Variants in GLIS3 observed in about 807,000 individuals in gnomAD.
GLIS3 encodes zinc finger protein GLIS3.
A neutral mutation model predicts 78.6 loss-of-function variants in GLIS3; 53 were observed. That is an observed-to-expected ratio of 0.67 (90% CI 0.54 to 0.85). The LOEUF is 0.85. Among genes scored for constraint, GLIS3 ranks in the 40% least tolerant of loss-of-function variants. GLIS3 has a pLI of 0.00. For synonymous variants in GLIS3, 684 were observed against 509.9 expected (o/e 1.34, Z -4.60); for missense variants, 1,703 against 1,231.1 (o/e 1.38, Z -5.74).
At chr9:4,134,737 A>G (rs373195144) in intron 2 of GLIS3, among the ~76,000 whole-genome samples, 5 of 152,360 alleles carry the variant, frequency 3.3e-5, no homozygotes, top group East Asian at 1.9e-4. Context: ...ACTTCTTTCT[A>G]GCCATTTTTT....
intron 4 of GLIS3, among the ~76,000 whole-genome samples, chr9:4,099,502 C>G (rs896115328): frequency 1.3e-5 from 2 of 152,128 alleles, no homozygotes; most frequent in Non-Finnish European, 2.9e-5. Flanking sequence ...ATTAGAACAC[C>G]AGTTGCACTG....
chr9:4,169,638 C>G lies in GLIS3; in HGVS notation c.389-43697G>C, dbSNP rs943757616. Among the ~76,000 whole-genome samples the G allele has an allele frequency of 8.5e-5, 13 of 152,214 alleles. No homozygotes were observed. The South Asian group carries it at 1.7e-3, about 19-fold the overall frequency. The stretch of plus-strand genomic sequence containing the variant: ...AGTTGTACTGTAGTTAAGAGAATAA[C>G]TTGCATAAGAAAATGTGCATGTTTG... On this transcript the variant is annotated intron_variant, in intron 2 of 10. Transcript: ENST00000381971.
chr9:4,087,290 T>C (rs1392436342), intron 4 of GLIS3, among the ~76,000 whole-genome samples: 1 of 152,202 alleles, frequency 6.6e-6, no homozygotes, highest in Non-Finnish European at 1.5e-5. Context: ...ACATTTATTA[T>C]TCCTTCTCCA....
At chr9:4,285,793 T>C (rs906733486) in intron 2 of GLIS3, 2 of 528,606 alleles carry the variant, frequency 3.8e-6, no homozygotes, top group East Asian at 3.3e-5. Context: ...TTTATCTTTC[T>C]ATCTTACTGT....
chr9:3,931,059 T>C (rs1485773409), intron 6 of GLIS3, among the ~76,000 whole-genome samples: 1 of 152,202 alleles, frequency 6.6e-6, no homozygotes, highest in Non-Finnish European at 1.5e-5. Flanking sequence ...AGTGTCTGTC[T>C]AATGATCACA....
the GLIS3 span, among the ~76,000 whole-genome samples, chr9:4,406,606 C>T: frequency 6.6e-6 from 1 of 152,132 alleles, no homozygotes; most frequent in African/African-American, 2.4e-5. Context: ...AGTAAAGTTA[C>T]AGGATACAAA....
At chr9:4,481,315 C>G in the GLIS3 span, among the ~76,000 whole-genome samples, 1 of 152,106 alleles carries the variant, frequency 6.6e-6, no homozygotes, top group African/African-American at 2.4e-5. Flanking sequence ...GAAACCCTGT[C>G]TCTACTAAAA....
intron 2 of GLIS3, among the ~76,000 whole-genome samples, chr9:4,249,531 G>A (rs1275454686): frequency 6.6e-6 from 1 of 152,124 alleles, no homozygotes. Context: ...GAGACAATGG[G>A]GTTTCCTAAA....
rs189940306 is a variant in GLIS3 at position 4,020,088 on chromosome 9, G to A, written c.1711-82899C>T. On this transcript the variant is annotated intron_variant, in intron 4 of 10. Coordinates refer to ENST00000381971, the MANE Select transcript of GLIS3 (RefSeq NM_001042413.2). ...TACAATGTTAACAGTAGACCTTATG[G>A]AGAAGGTGACGTCTGAGAAAAGCCT... is the stretch of plus-strand genomic sequence containing the variant. 8.5e-4 allele frequency among the ~76,000 whole-genome samples: 129 copies of A among 152,214 alleles called. 1 individual carries two copies. The highest frequency in any genetic ancestry group is 1.2e-4 in the Non-Finnish European group (8 of 68,014).
chr9:3,940,477 G>C (rs982934593), intron 4 of GLIS3, among the ~76,000 whole-genome samples: 1 of 152,126 alleles, frequency 6.6e-6, no homozygotes, highest in African/African-American at 2.4e-5. Context: ...ACTGCCACTG[G>C]ACAACTCCTA....
At chr9:4,459,154 T>C in the GLIS3 span, among the ~76,000 whole-genome samples, 2 of 152,162 alleles carry the variant, frequency 1.3e-5, no homozygotes, top group East Asian at 1.9e-4. Flanking sequence ...TAGGAGACCA[T>C]TGAATAATCC....
intron 2 of GLIS3, among the ~76,000 whole-genome samples, chr9:4,201,540 A>G (rs1418370319): frequency 1.3e-5 from 2 of 152,220 alleles, no homozygotes; most frequent in Non-Finnish European, 2.9e-5. Context: ...TACACTAATA[A>G]CATTCAAGCT....
chr9:4,180,117 G>A (rs541111147), intron 2 of GLIS3, among the ~76,000 whole-genome samples: 1 of 152,188 alleles, frequency 6.6e-6, no homozygotes, highest in South Asian at 2.1e-4. Flanking sequence ...GAGCTGGGGA[G>A]AGTCAGTGAG....
At chr9:4,380,559 G>C in the GLIS3 span, among the ~76,000 whole-genome samples, 1 of 152,314 alleles carries the variant, frequency 6.6e-6, no homozygotes, top group East Asian at 1.9e-4. Context: ...AGGAGAACTT[G>C]TTAACTATGC....
chr9:3,883,553 G>C (rs957342535), intron 7 of GLIS3, among the ~76,000 whole-genome samples: 1 of 152,160 alleles, frequency 6.6e-6, no homozygotes, highest in Non-Finnish European at 1.5e-5. Context: ...CAAACTCAAC[G>C]AATAGGGCAC....
At chr9:3,858,961 T>G (rs2047481592) in intron 8 of GLIS3, among the ~76,000 whole-genome samples, 1 of 152,150 alleles carries the variant, frequency 6.6e-6, no homozygotes, top group Non-Finnish European at 1.5e-5. Flanking sequence ...TAATTGAAAT[T>G]TAATATTTAT....
intron 2 of GLIS3, among the ~76,000 whole-genome samples, chr9:4,185,639 T>G (rs976485247): frequency 4.6e-5 from 7 of 152,138 alleles, no homozygotes; most frequent in African/African-American, 1.7e-4. Flanking sequence ...GGACTAAATA[T>G]AAAGGTAATG....
chr9:4,364,220 C>T, the GLIS3 span, among the ~76,000 whole-genome samples: 3 of 152,274 alleles, frequency 2.0e-5, no homozygotes, highest in South Asian at 4.1e-4. Context: ...AAACTATTAA[C>T]AAACAGAACA....
intron 2 of GLIS3, among the ~76,000 whole-genome samples, chr9:4,227,689 G>A (rs1023997402): frequency 6.6e-6 from 1 of 152,158 alleles, no homozygotes; most frequent in Non-Finnish European, 1.5e-5. Flanking sequence ...AAGACCAAAG[G>A]TTCTATTAAG....
Sources: allele counts gnomAD v4.1 joint callset (sites outside exome capture counted in the v4.1 genomes callset), GRCh38; gene constraint gnomAD v4.1.1; transcripts MANE v1.5; gene names NCBI Gene and HGNC (gene_info 2026-07-23, HGNC 2026-07-21).